The following MACROD2 variants were observed in gnomAD, a reference collection of about 807,000 sequenced individuals.
MACROD2 encodes the protein mono-ADP ribosylhydrolase 2.
A neutral mutation model predicts 70.4 loss-of-function variants in MACROD2; 36 were observed. The ratio of observed to expected loss-of-function variants is 0.51; its 90% CI spans 0.39 to 0.68. MACROD2 has a LOEUF of 0.68. Among genes scored for constraint, MACROD2 ranks in the 30% least tolerant of loss-of-function variants. The pLI is 0.00. For synonymous variants in MACROD2, 172 were observed against 178.8 expected, an observed-to-expected ratio of 0.96 and a Z score of 0.30; for missense variants, 496 against 538.4, an observed-to-expected ratio of 0.92 and a Z score of 0.78.
chr20:15,010,424 A>G (rs2075073655), intron 5 of MACROD2, among the ~76,000 whole-genome samples: 1 of 152,240 alleles, frequency 6.6e-6, no homozygotes, highest in Non-Finnish European at 1.5e-5. Context: ...AGAAGGAATT[A>G]TAGTCCCAAG....
At chr20:15,969,693 A>G (rs902401747) in intron 13 of MACROD2, among the ~76,000 whole-genome samples, 3 of 152,036 alleles carry the variant, frequency 2.0e-5, no homozygotes, top group Admixed American at 6.6e-5. Flanking sequence ...AGAGGAAAAG[A>G]TATTAAGGAT....
intron 3 of MACROD2, among the ~76,000 whole-genome samples, chr20:14,348,436 G>A (rs1316448041): frequency 6.6e-6 from 1 of 151,728 alleles, no homozygotes; most frequent in Non-Finnish European, 1.5e-5. Flanking sequence ...TTCAGGATGT[G>A]TTATCTACTA....
At chr20:14,077,435 T>C (rs2053928833) in intron 2 of MACROD2, among the ~76,000 whole-genome samples, 1 of 152,222 alleles carries the variant, frequency 6.6e-6, no homozygotes. Flanking sequence ...TGACACAGTT[T>C]ACAGCTGTCT....
rs556562217 is a variant in MACROD2, at chr20:15,991,547, C to T, written c.1153+4389C>T. Among the ~76,000 whole-genome samples the T allele has an allele frequency of 6.6e-5, 10 of 152,322 alleles. No individual in the cohort carries two copies. In the South Asian group the frequency reaches 2.1e-3, roughly 32 times the overall value. On this transcript the variant is annotated intron_variant, in intron 15 of 17. Transcript: ENST00000684519. ...TACCTAACACTTGGGCCATCATATACAGACTGTGTTCTTGGCTATAAAGAA... is the reference window on the plus strand; with the variant it reads ...TACCTAACACTTGGGCCATCATATATAGACTGTGTTCTTGGCTATAAAGAA...
chr20:14,454,909 C>T (rs955165461), intron 3 of MACROD2, among the ~76,000 whole-genome samples: 15 of 152,080 alleles, frequency 9.9e-5, no homozygotes, highest in African/African-American at 2.9e-4. Context: ...CCCACCACCA[C>T]GCCTGGCTAA....
At chr20:14,805,296 A>C (rs1359987585) in intron 5 of MACROD2, among the ~76,000 whole-genome samples, 3 of 152,016 alleles carry the variant, frequency 2.0e-5, no homozygotes, top group Admixed American at 1.3e-4. Context: ...TGAACATTAG[A>C]ATTCAGTTTA....
chr20:14,859,952 G>T (rs1453609036), intron 5 of MACROD2, among the ~76,000 whole-genome samples: 1 of 152,122 alleles, frequency 6.6e-6, no homozygotes, highest in Non-Finnish European at 1.5e-5. Flanking sequence ...GACATGACTT[G>T]TCCAGTGTCA....
chr20:14,934,372 T>C (rs1320302466), intron 5 of MACROD2, among the ~76,000 whole-genome samples: 1 of 152,196 alleles, frequency 6.6e-6, no homozygotes, highest in Non-Finnish European at 1.5e-5. Context: ...ATAGCTGCTC[T>C]TTTTTACAAG....
chr20:14,917,803 G>A (rs1003848517), intron 5 of MACROD2, among the ~76,000 whole-genome samples: 27 of 152,050 alleles, frequency 1.8e-4, no homozygotes, highest in African/African-American at 6.3e-4. Flanking sequence ...TCCTTTAGTT[G>A]GTGATTTAAT....
At chr20:14,116,609 A>T (rs1258357326) in intron 3 of MACROD2, among the ~76,000 whole-genome samples, 1 of 152,168 alleles carries the variant, frequency 6.6e-6, no homozygotes, top group Non-Finnish European at 1.5e-5. Context: ...AATGTAAATA[A>T]AGTAAGAAGA....
chr20:15,312,283 G>A (rs1382770768), intron 6 of MACROD2, among the ~76,000 whole-genome samples: 1 of 152,188 alleles, frequency 6.6e-6, no homozygotes, highest in East Asian at 1.9e-4. Context: ...GTAGAAATTG[G>A]TGTTAATTTG....
At chr20:14,952,464 T>G (rs1471230248) in intron 5 of MACROD2, among the ~76,000 whole-genome samples, 1 of 152,194 alleles carries the variant, frequency 6.6e-6, no homozygotes, top group Non-Finnish European at 1.5e-5. Context: ...TTTTGGATTG[T>G]GTTTACGTTT....
At chr20:14,174,595 A>G (rs577362250) in intron 3 of MACROD2, among the ~76,000 whole-genome samples, 1 of 152,288 alleles carries the variant, frequency 6.6e-6, no homozygotes, top group Admixed American at 6.5e-5. Flanking sequence ...CTCCCGGCTG[A>G]GAAAGCAAGT....
At chr20:14,176,534 C>A (rs920856330) in intron 3 of MACROD2, among the ~76,000 whole-genome samples, 1 of 152,082 alleles carries the variant, frequency 6.6e-6, no homozygotes, top group African/African-American at 2.4e-5. Context: ...ATTACAAACT[C>A]CTGTCATTTG....
At chr20:15,737,982 T>G (rs1283079937) in intron 8 of MACROD2, among the ~76,000 whole-genome samples, 2 of 151,724 alleles carry the variant, frequency 1.3e-5, no homozygotes, top group Admixed American at 6.6e-5. Context: ...ATATATAGAT[T>G]AAAAGAGAGC....
At chr20:15,086,393 A>G (rs1332782973) in intron 5 of MACROD2, among the ~76,000 whole-genome samples, 1 of 152,154 alleles carries the variant, frequency 6.6e-6, no homozygotes, top group African/African-American at 2.4e-5. Context: ...GTGATTATGA[A>G]CTAAGTAGGG....
At chr20:15,268,693 C>T (rs1184286987) in intron 6 of MACROD2, among the ~76,000 whole-genome samples, 2 of 152,016 alleles carry the variant, frequency 1.3e-5, no homozygotes, top group Admixed American at 6.5e-5. Context: ...TTCCCTTTTT[C>T]CTTACTGGCT....
In MACROD2 at chr20:15,949,719, G is replaced by A. The variant is rs1572730; in HGVS notation, c.907+12175G>A. On this transcript the variant is annotated intron_variant, in intron 12 of 17. Coordinates refer to ENST00000684519, the MANE Select transcript of MACROD2 (RefSeq NM_001351661.2). ...TTATAGATAAGACCTAGAATGGAAG[G>A]TGCCTAGTCCATATTTTGAAATGCT... 6.2e-3 allele frequency among the ~76,000 whole-genome samples: 944 copies of A among 152,204 alleles called. 9 individuals carry two copies. Among genetic ancestry groups the A allele is most frequent in the African/African-American group, 0.021 (868 of 41,538 alleles).
chr20:14,742,797 C>T (rs2071748993), intron 5 of MACROD2, among the ~76,000 whole-genome samples: 1 of 150,796 alleles, frequency 6.6e-6, no homozygotes. Context: ...GATGGAGTCT[C>T]ACTCTGTCGC....
Sources: allele counts gnomAD v4.1 joint callset (sites outside exome capture counted in the v4.1 genomes callset), GRCh38; gene constraint gnomAD v4.1.1; transcripts MANE v1.5; gene names NCBI Gene and HGNC (gene_info 2026-07-23, HGNC 2026-07-21).